Variants in SNX29 observed in about 807,000 individuals in gnomAD.
SNX29 encodes the protein sorting nexin-29.
SNX29 carries 78 observed loss-of-function variants against 102.1 expected under a neutral mutation model. The ratio of observed to expected loss-of-function variants is 0.76; its 90% CI spans 0.64 to 0.92. The LOEUF (loss-of-function observed/expected upper bound fraction) is 0.92, where lower values mean the gene tolerates loss of function less well. SNX29 is among the 40% of genes least tolerant of loss of function. The pLI, the probability that SNX29 is intolerant of heterozygous loss-of-function variation, is 0.00. For missense variants in SNX29, 1,280 were observed against 1,061.7 expected, an observed-to-expected ratio of 1.21 and a Z score of -2.86; for synonymous variants, 580 against 414.5, an observed-to-expected ratio of 1.40 and a Z score of -4.85.
chr16:12,392,854 A>G (rs2083578898), intron 16 of SNX29, among the ~76,000 whole-genome samples: 1 of 152,230 alleles, frequency 6.6e-6, no homozygotes, highest in South Asian at 2.1e-4. Flanking sequence ...AAAGTGCTCC[A>G]GAACTGGGGG....
chr16:12,057,308 G>T (rs2050560638), intron 8 of SNX29, among the ~76,000 whole-genome samples: 2 of 152,148 alleles, frequency 1.3e-5, no homozygotes, highest in Admixed American at 1.3e-4. Flanking sequence ...TTGGGTTGGC[G>T]CCCTGGTGGA....
rs2082411036 is a variant in SNX29 at position 12,364,718 on chromosome 16, G to A, written c.1899+8439G>A. Among the ~76,000 whole-genome samples the A allele has an allele frequency of 2.0e-5, 3 of 152,244 alleles. No homozygotes were observed. In the South Asian group the frequency reaches 6.2e-4, roughly 32 times the overall value. On this transcript the variant is annotated intron_variant, in intron 16 of 20. Transcript: ENST00000566228. Reference sequence around the variant, plus strand: ...AGCTCACTTCATATAATGGACATTGGATTCCTCTTTATTTTGGTCCCACTG... The same window carrying A: ...AGCTCACTTCATATAATGGACATTGAATTCCTCTTTATTTTGGTCCCACTG...
In SNX29 at chr16:12,535,937, G is replaced by A. The variant is rs564451930; in HGVS notation, c.2318+11096G>A. On this transcript the variant is annotated intron_variant, in intron 20 of 20. Coordinates refer to ENST00000566228, the MANE Select transcript of SNX29 (RefSeq NM_032167.5). ...GAAAGGGCTAGAAAATGGGGCTGGGGAGGGTTAAGGAACTTCTGAGAGCTT... is the reference window on the plus strand; with the variant it reads ...GAAAGGGCTAGAAAATGGGGCTGGGAAGGGTTAAGGAACTTCTGAGAGCTT... Among the ~76,000 whole-genome samples, 5 of 152,340 alleles carry A rather than the reference G, an allele frequency of 3.3e-5. No individual in the cohort carries two copies. The South Asian group carries it at 1.0e-3, about 32-fold the overall frequency.
In SNX29 at chr16:12,235,784, ATTG is replaced by A. The variant is rs924195340; in HGVS notation, c.1678+36103_1678+36105del. ...AGGTGGATGAAAACATGGGTTGTAA[ATTG>A]TGTGTGTGTGTGTGTGTGTGTGTAT... is the stretch of plus-strand genomic sequence containing the variant. On this transcript the variant is annotated intron_variant, in intron 14 of 20. Transcript: ENST00000566228. 2.2e-4 allele frequency among the ~76,000 whole-genome samples: 31 copies of A among 143,138 alleles called. 1 individual carries two copies. The East Asian group carries it at 5.6e-3, about 26-fold the overall frequency. 93.9% of individuals were successfully genotyped at this position (143,138 alleles called of 152,430 possible).
chr16:12,220,305 T>TGGGAGGGA (rs1214795376), intron 14 of SNX29, among the ~76,000 whole-genome samples: 2 of 15,728 alleles, frequency 1.3e-4, no homozygotes, highest in Non-Finnish European at 2.9e-4. Flanking sequence ...GTTTTCTTTA[T>TGGGAGGGA]GGGAGGGAGG....
intron 1 of SNX29, among the ~76,000 whole-genome samples, chr16:11,994,581 CCT>C (rs1193119962): frequency 6.6e-6 from 1 of 152,210 alleles, no homozygotes; most frequent in East Asian, 1.9e-4. Flanking sequence ...AAGGTCTTTT[CCT>C]CTCTGAGTCA....
At chr16:12,089,637 G>A in intron 11 of SNX29, 1 of 187,704 alleles carries the variant, frequency 5.3e-6, no homozygotes, top group South Asian at 6.5e-5. Context: ...GGTACCGCTG[G>A]CATTGCGCTG....
At chr16:12,533,439 G>A (rs1377388167) in intron 20 of SNX29, among the ~76,000 whole-genome samples, 1 of 152,162 alleles carries the variant, frequency 6.6e-6, no homozygotes, top group Admixed American at 6.5e-5. Context: ...CAGGAGGTGA[G>A]ACACTAATGT....
chr16:12,036,896 A>G (rs1160405609), intron 4 of SNX29, among the ~76,000 whole-genome samples: 1 of 152,150 alleles, frequency 6.6e-6, no homozygotes, highest in African/African-American at 2.4e-5. Flanking sequence ...GATGAAGGAC[A>G]TTTATTTATT....
intron 15 of SNX29, among the ~76,000 whole-genome samples, chr16:12,310,559 C>T (rs1273055124): frequency 2.0e-5 from 3 of 152,052 alleles, no homozygotes; most frequent in Non-Finnish European, 4.4e-5. Context: ...TGTATGATTC[C>T]ATTTATAGAA....
chr16:12,304,785 T>G (rs1452787762), intron 15 of SNX29, among the ~76,000 whole-genome samples: 1 of 152,206 alleles, frequency 6.6e-6, no homozygotes, highest in Non-Finnish European at 1.5e-5. Context: ...GTGGCCATAT[T>G]TTTTTAAAAA....
At chr16:12,552,471 C>T (rs765212068) in intron 20 of SNX29, among the ~76,000 whole-genome samples, 2 of 152,144 alleles carry the variant, frequency 1.3e-5, no homozygotes, top group Admixed American at 6.5e-5. Flanking sequence ...ATCTCATCAC[C>T]CAACGATTGG....
At chr16:12,340,592 C>T (rs949834640) in intron 15 of SNX29, among the ~76,000 whole-genome samples, 1 of 152,132 alleles carries the variant, frequency 6.6e-6, no homozygotes, top group Non-Finnish European at 1.5e-5. Context: ...AGCAGAGTGA[C>T]CACTTGGGGG....
At chr16:12,285,399 A>G (rs1567397486) in intron 15 of SNX29, among the ~76,000 whole-genome samples, 1 of 152,218 alleles carries the variant, frequency 6.6e-6, no homozygotes, top group African/African-American at 2.4e-5. Flanking sequence ...TTTTAAAATT[A>G]TAAGACACTT....
At chr16:12,094,404 T>TA (rs1321943837) in intron 11 of SNX29, among the ~76,000 whole-genome samples, 1 of 152,212 alleles carries the variant, frequency 6.6e-6, no homozygotes, top group African/African-American at 2.4e-5. Flanking sequence ...ATCTGGGCCT[T>TA]ATTGTTGAAC....
chr16:12,166,656 T>C (rs1193363617), intron 13 of SNX29, among the ~76,000 whole-genome samples: 1 of 152,142 alleles, frequency 6.6e-6, no homozygotes, highest in Non-Finnish European at 1.5e-5. Flanking sequence ...TAGACACAGC[T>C]CCTGGAAAAC....
chr16:12,400,903 A>C (rs1445890817), intron 17 of SNX29, among the ~76,000 whole-genome samples: 1 of 152,150 alleles, frequency 6.6e-6, no homozygotes. Flanking sequence ...GCTCACTGCA[A>C]GCTCCGCCTC....
At chr16:12,158,748 C>T (rs2055660352) in intron 13 of SNX29, among the ~76,000 whole-genome samples, 1 of 152,240 alleles carries the variant, frequency 6.6e-6, no homozygotes, top group South Asian at 2.1e-4. Context: ...CCCTCATTTC[C>T]TGCCGTGTGA....
At chr16:12,056,126 C>G (rs528843550) in intron 8 of SNX29, among the ~76,000 whole-genome samples, 22 of 152,338 alleles carry the variant, frequency 1.4e-4, no homozygotes, top group African/African-American at 5.3e-4. Context: ...AAGTGATCCA[C>G]CTGCTTCAGC....
Sources: allele counts gnomAD v4.1 joint callset (sites outside exome capture counted in the v4.1 genomes callset), GRCh38; gene constraint gnomAD v4.1.1; transcripts MANE v1.5; gene names NCBI Gene and HGNC (gene_info 2026-07-23, HGNC 2026-07-21).